The following ENOX1 variants were observed in gnomAD, a reference collection of about 807,000 sequenced individuals.
The protein encoded by ENOX1 is candidate growth-related and time keeping constitutive hydroquinone (NADH) oxidase.
ENOX1 carries 42 observed loss-of-function variants against 82.5 expected under a neutral mutation model. The ratio of observed to expected loss-of-function variants is 0.51; its 90% CI spans 0.40 to 0.66. The LOEUF (loss-of-function observed/expected upper bound fraction) is 0.66, where lower values mean the gene tolerates loss of function less well. Among genes scored for constraint, ENOX1 ranks in the 30% least tolerant of loss-of-function variants. The pLI, the probability that ENOX1 is intolerant of heterozygous loss-of-function variation, is 0.00. For synonymous variants in ENOX1, 271 were observed against 282.2 expected (o/e 0.96, Z 0.40); for missense variants, 608 against 811.6 (o/e 0.75, Z 3.05).
At chr13:43,663,013 A>C (rs1447158975) in intron 2 of ENOX1, among the ~76,000 whole-genome samples, 1 of 152,214 alleles carries the variant, frequency 6.6e-6, no homozygotes. Flanking sequence ...ATGGAATCTA[A>C]GAGAGCAAAG....
At chr13:43,304,067 C>T (rs1342184994) in intron 11 of ENOX1, among the ~76,000 whole-genome samples, 1 of 152,218 alleles carries the variant, frequency 6.6e-6, no homozygotes, top group African/African-American at 2.4e-5. Flanking sequence ...CCATGTTCTG[C>T]ACCTGGGAAG....
At chr13:43,403,765 G>A (rs776215253) in intron 5 of ENOX1, among the ~76,000 whole-genome samples, 9 of 152,000 alleles carry the variant, frequency 5.9e-5, no homozygotes, top group East Asian at 1.9e-4. Context: ...ACCTGAGCCC[G>A]GGAAGTTGAA....
intron 2 of ENOX1, among the ~76,000 whole-genome samples, chr13:43,606,853 A>T (rs572671000): frequency 2.9e-4 from 44 of 151,466 alleles, no homozygotes; most frequent in African/African-American, 1.0e-3. Flanking sequence ...CATCTCTACT[A>T]AAAAAAATAG....
intron 12 of ENOX1, among the ~76,000 whole-genome samples, chr13:43,270,538 G>A (rs2044625243): frequency 6.6e-6 from 1 of 152,170 alleles, no homozygotes; most frequent in South Asian, 2.1e-4. Flanking sequence ...GAGCTGCCTG[G>A]CCAGTTCCTA....
At chr13:43,343,949 C>T (rs1011179160) in intron 9 of ENOX1, among the ~76,000 whole-genome samples, 1 of 152,060 alleles carries the variant, frequency 6.6e-6, no homozygotes, top group Non-Finnish European at 1.5e-5. Flanking sequence ...ACCCCTTCAT[C>T]ATTTAGACTC....
intron 2 of ENOX1, among the ~76,000 whole-genome samples, chr13:43,524,019 C>G (rs2077885208): frequency 1.3e-5 from 2 of 152,080 alleles, no homozygotes; most frequent in African/African-American, 4.8e-5. Context: ...CCTTTCTTTC[C>G]TCACCGGACC....
At chr13:43,706,811 T>C (rs2087324643) in intron 1 of ENOX1, among the ~76,000 whole-genome samples, 1 of 152,090 alleles carries the variant, frequency 6.6e-6, no homozygotes, top group African/African-American at 2.4e-5. Context: ...AAATATTGAA[T>C]GCTTTTCTCC....
intron 1 of ENOX1, among the ~76,000 whole-genome samples, chr13:43,700,267 A>G (rs2086844557): frequency 1.3e-5 from 2 of 152,190 alleles, no homozygotes; most frequent in African/African-American, 2.4e-5. Flanking sequence ...AGCTTCAAGA[A>G]GAGATAAATG....
chr13:43,726,707 C>T (rs963261733), intron 1 of ENOX1, among the ~76,000 whole-genome samples: 2 of 147,974 alleles, frequency 1.4e-5, no homozygotes, highest in East Asian at 2.0e-4. Flanking sequence ...ACTGAAGAAA[C>T]GCATTGACTT....
intron 11 of ENOX1, among the ~76,000 whole-genome samples, chr13:43,317,324 G>T (rs940242996): frequency 2.6e-5 from 4 of 152,170 alleles, no homozygotes; most frequent in African/African-American, 9.7e-5. Context: ...GCTGCACCCT[G>T]GTCTGGTATT....
At chr13:43,499,139 T>G (rs1177787496) in intron 2 of ENOX1, among the ~76,000 whole-genome samples, 1 of 152,070 alleles carries the variant, frequency 6.6e-6, no homozygotes, top group Non-Finnish European at 1.5e-5. Flanking sequence ...TATCAGACCT[T>G]TACTCTTAAA....
At chr13:43,287,621 C>T (rs746224989) in intron 12 of ENOX1, among the ~76,000 whole-genome samples, 11 of 152,176 alleles carry the variant, frequency 7.2e-5, no homozygotes, top group Non-Finnish European at 1.2e-4. Context: ...GGCATCAGTA[C>T]GGCTTATCTT....
At chr13:43,397,985 G>A (rs947001836) in intron 5 of ENOX1, among the ~76,000 whole-genome samples, 12 of 152,150 alleles carry the variant, frequency 7.9e-5, no homozygotes, top group Non-Finnish European at 1.6e-4. Context: ...TTCTCATTTC[G>A]TCTTTACATG....
chr13:43,385,807 A>G (rs981574810), intron 5 of ENOX1, among the ~76,000 whole-genome samples: 13 of 152,242 alleles, frequency 8.5e-5, no homozygotes, highest in Non-Finnish European at 1.5e-4. Flanking sequence ...GCATCTTCAA[A>G]TGACAATTTT....
chr13:43,561,514 T>C (rs2079667324), intron 2 of ENOX1, among the ~76,000 whole-genome samples: 1 of 152,184 alleles, frequency 6.6e-6, no homozygotes, highest in Non-Finnish European at 1.5e-5. Context: ...GGAGTTATGA[T>C]GTAAAGTAGT....
chr13:43,266,837 C>T (rs1397878456), intron 13 of ENOX1, among the ~76,000 whole-genome samples: 2 of 152,180 alleles, frequency 1.3e-5, no homozygotes, highest in South Asian at 4.1e-4. Flanking sequence ...CTTGTGCTCC[C>T]ATGAGTTCGA....
intron 5 of ENOX1, among the ~76,000 whole-genome samples, chr13:43,406,965 C>G (rs2153595170): frequency 1.3e-5 from 2 of 152,250 alleles, no homozygotes; most frequent in Admixed American, 1.3e-4. Context: ...TATCTCACGG[C>G]CAGAGAATAT....
At chr13:43,615,879 G>A (rs1483011235) in intron 2 of ENOX1, among the ~76,000 whole-genome samples, 2 of 151,670 alleles carry the variant, frequency 1.3e-5, no homozygotes, top group African/African-American at 4.8e-5. Flanking sequence ...TGCTGAGAAT[G>A]ATGGTTTCCA....
chr13:43,611,476 T>G (rs920979322), intron 2 of ENOX1, among the ~76,000 whole-genome samples: 3 of 152,206 alleles, frequency 2.0e-5, no homozygotes, highest in African/African-American at 7.2e-5. Flanking sequence ...TCACGACCCA[T>G]GTAGTCTCAA....
Sources: allele counts gnomAD v4.1 joint callset (sites outside exome capture counted in the v4.1 genomes callset), GRCh38; gene constraint gnomAD v4.1.1; transcripts MANE v1.5; gene names NCBI Gene and HGNC (gene_info 2026-07-23, HGNC 2026-07-21).